Variants in PCNX1 observed in about 807,000 individuals in gnomAD.
PCNX1 encodes the protein pecanex-like protein 1.
PCNX1 carries 78 observed loss-of-function variants against 242.2 expected under a neutral mutation model. That is an observed-to-expected ratio of 0.32 (90% confidence interval 0.27 to 0.39). The LOEUF is 0.39. PCNX1 is among the 10% of genes least tolerant of loss of function. PCNX1 has a pLI of 1.00. For missense variants in PCNX1, 2,581 were observed against 2,856.5 expected, an observed-to-expected ratio of 0.90 and a Z score of 2.20; for synonymous variants, 1,024 against 1,032.9, an observed-to-expected ratio of 0.99 and a Z score of 0.17.
At chr14:71,076,162 CT>C (rs763157187) in intron 27 of PCNX1, 26 bp from the exon 28 acceptor site, 7,588 of 1,131,294 alleles carry the variant, frequency 6.7e-3, no homozygotes, top group Non-Finnish European at 7.6e-3. Context: ...AATCTGAATT[CT>C]TTTTTTTTTG....
At chr14:71,007,231 G>T in intron 8 of PCNX1, among the ~76,000 whole-genome samples, 1 of 150,530 alleles carries the variant, frequency 6.6e-6, no homozygotes, top group Non-Finnish European at 1.5e-5. Context: ...TATTTAAAAT[G>T]CAACTATTTC....
chr14:71,050,995 C>T (rs1156707326), intron 23 of PCNX1, among the ~76,000 whole-genome samples: 1 of 151,578 alleles, frequency 6.6e-6, no homozygotes, highest in East Asian at 1.9e-4. Context: ...ATGGATAAAC[C>T]CCATCTCCAC....
At chr14:71,003,080 C>CTTTTTTGTTTTTTTTTTTTTTTTTTTTT (rs2059553293) in intron 8 of PCNX1, among the ~76,000 whole-genome samples, 1 of 95,474 alleles carries the variant, frequency 1.0e-5, no homozygotes, top group African/African-American at 4.7e-5. Flanking sequence ...TGGTTGTCTT[C>CTTTTTTGTTTTTTTTTTTTTTTTTTTTT]TTTTTTTTTT....
At chr14:70,947,172 A>G (rs774790993) in intron 2 of PCNX1, 49 bp downstream of exon 2, 20 of 1,308,516 alleles carry the variant, frequency 1.5e-5, no homozygotes, top group Non-Finnish European at 2.2e-5. Context: ...AGATTGTGTT[A>G]TCTGTATAAT....
rs751476108 is a variant in PCNX1, at chr14:71,033,932, T to C, written c.3670T>C (p.Ser1224Pro). Residue 1224 changes from serine (S) to proline (P), a missense_variant and splice_region_variant, in exon 18 of 36, where the codon TCT becomes CCT. Ser to Pro is a moderately conservative substitution (Grantham distance 74). This residue lies in a region of PCNX1 where 432 missense variants were observed against 443.1 expected (regional missense o/e 0.97). Transcript: ENST00000304743. ...CTGTTTTTTTTTCTTCACATAAAGC[T>C]CTTTAGTGCAATCCAAGATTTTTCC... Reference protein sequence around the residue: ...RQSSDPSVLFSLVQSKIFPKT... With the variant: ...RQSSDPSVLFPLVQSKIFPKT... 3.9e-6 allele frequency: 6 copies of C among 1,529,740 alleles called. No homozygotes were observed. The highest frequency in any genetic ancestry group is 1.4e-5 in the African/African-American group (1 of 71,788). The allele number at this position is 1,529,740 out of a possible 1,614,324, so 94.8% of individuals were successfully genotyped here.
chr14:70,985,031 T>C lies in PCNX1; in HGVS notation c.2312-3536T>C, dbSNP rs1004904970. ...ATTATGGATTAAACTTCCTTTGTTATCTTCAGGAATGGACCAGATCACAGC... is the reference window on the plus strand; with the variant it reads ...ATTATGGATTAAACTTCCTTTGTTACCTTCAGGAATGGACCAGATCACAGC... On this transcript the variant is annotated intron_variant, in intron 6 of 35. Coordinates refer to ENST00000304743, the MANE Select transcript of PCNX1 (RefSeq NM_014982.3). Among the ~76,000 whole-genome samples, 15 of 152,314 alleles carry C rather than the reference T, an allele frequency of 9.8e-5. 2 individuals carry two copies. Among genetic ancestry groups the C allele is most frequent in the Admixed American group, 1.3e-4 (2 of 15,298 alleles).
intron 1 of PCNX1, among the ~76,000 whole-genome samples, chr14:70,933,688 T>A (rs1482550974): frequency 6.6e-6 from 1 of 152,234 alleles, no homozygotes; most frequent in Admixed American, 6.5e-5. Context: ...TGTCTAGTCT[T>A]GTGCCTTAGT....
chr14:70,960,700 A>C (rs1265505288), intron 2 of PCNX1, among the ~76,000 whole-genome samples: 5 of 152,120 alleles, frequency 3.3e-5, no homozygotes, highest in Non-Finnish European at 7.3e-5. Flanking sequence ...AAGGGTATTC[A>C]ATTAGGAAAA....
rs1219709649 is a variant in PCNX1 at position 71,007,133 on chromosome 14, G to A, written c.2630-2501G>A. Among the ~76,000 whole-genome samples the A allele has an allele frequency of 2.0e-5, 3 of 151,226 alleles. No homozygotes were observed. The East Asian group carries it at 5.8e-4, about 29-fold the overall frequency. On this transcript the variant is annotated intron_variant, in intron 8 of 35. Coordinates refer to ENST00000304743, the MANE Select transcript of PCNX1 (RefSeq NM_014982.3). Reference sequence around the variant, plus strand: ...AGTAATTTGGATAGAATCATTCAGAGTTGTAAATTCAGGTAGTAATAGAAC... The same window carrying A: ...AGTAATTTGGATAGAATCATTCAGAATTGTAAATTCAGGTAGTAATAGAAC...
At chr14:71,038,441 G>C (rs1393550318) in intron 19 of PCNX1, among the ~76,000 whole-genome samples, 1 of 150,226 alleles carries the variant, frequency 6.7e-6, no homozygotes, top group Non-Finnish European at 1.5e-5. Context: ...TCTCAAAAGA[G>C]GACATTTATG....
intron 2 of PCNX1, among the ~76,000 whole-genome samples, chr14:70,948,917 ATG>A (rs2057595809): frequency 1.3e-5 from 2 of 148,206 alleles, no homozygotes; most frequent in Non-Finnish European, 3.0e-5. Flanking sequence ...ATACGTATAT[ATG>A]TGTATATATG....
chr14:70,956,550 C>T (rs1390054420), intron 2 of PCNX1, among the ~76,000 whole-genome samples: 2 of 152,024 alleles, frequency 1.3e-5, no homozygotes, highest in Non-Finnish European at 2.9e-5. Flanking sequence ...CAGGGCAAGA[C>T]CCTGTCTCTT....
chr14:70,978,740 A>G, intron 6 of PCNX1, 92 bp downstream of exon 6: 3 of 1,096,314 alleles, frequency 2.7e-6, no homozygotes, highest in East Asian at 4.9e-5. Flanking sequence ...GCTTCTGTTA[A>G]TATTCCCCCT....
chr14:71,026,702 T>C, intron 14 of PCNX1, 70 bp from the exon 15 acceptor site: 1 of 627,658 alleles, frequency 1.6e-6, no homozygotes, highest in African/African-American at 1.9e-5. Flanking sequence ...TTAAAAATTA[T>C]GACCTCTCAG....
intron 26 of PCNX1, among the ~76,000 whole-genome samples, chr14:71,067,836 T>C (rs563044955): frequency 5.9e-5 from 9 of 152,270 alleles, no homozygotes; most frequent in African/African-American, 1.4e-4. Context: ...AAAGCACTTA[T>C]ATATTTCTGC....
At chr14:71,070,119 A>G (rs532349760) in intron 26 of PCNX1, among the ~76,000 whole-genome samples, 4 of 152,202 alleles carry the variant, frequency 2.6e-5, no homozygotes, top group Admixed American at 6.5e-5. Context: ...CTTCTCAACC[A>G]TAAGAAACAA....
chr14:71,107,905 A>C (rs946368350), intron 33 of PCNX1, among the ~76,000 whole-genome samples: 22 of 152,222 alleles, frequency 1.4e-4, no homozygotes, highest in Non-Finnish European at 2.4e-4. Context: ...TATATTGTGA[A>C]ATGATTAAAT....
chr14:71,055,096 G>A (rs2061144081), intron 24 of PCNX1, among the ~76,000 whole-genome samples: 1 of 152,100 alleles, frequency 6.6e-6, no homozygotes, highest in Admixed American at 6.5e-5. Context: ...CCACATTTTG[G>A]GAACTACTGT....
chr14:70,945,536 A>T (rs1429203427), intron 1 of PCNX1, among the ~76,000 whole-genome samples: 1 of 151,322 alleles, frequency 6.6e-6, no homozygotes, highest in Non-Finnish European at 1.5e-5. Context: ...ATGTTTTTCC[A>T]TCCTAATTTC....
Sources: gnomAD v4.1 joint callset for allele counts (sites outside exome capture counted in the v4.1 genomes callset) on GRCh38, gnomAD v4.1.1 for gene constraint, gnomAD v4.1.1 regional missense constraint, MANE v1.5 for transcripts, NCBI Gene and HGNC (gene_info 2026-07-23, HGNC 2026-07-21) for gene names.